DEF6: variants seen among roughly 807,000 people sequenced by gnomAD.
The protein encoded by DEF6 is DEF6 guanine nucleotide exchange factor, also known as differentially expressed in FDCP 6 homolog.
Under a neutral mutation model 80.5 loss-of-function variants are expected in DEF6, and 32 were observed. That is an observed-to-expected ratio of 0.40 (90% confidence interval 0.30 to 0.53). DEF6 has a LOEUF of 0.53. Ranked by LOEUF, DEF6 falls within the 20% of genes least tolerant of loss-of-function variation. DEF6 has a pLI of 0.57. For synonymous variants in DEF6, 300 were observed against 337.9 expected, an observed-to-expected ratio of 0.89 and a Z score of 1.23; for missense variants, 575 against 818.7, an observed-to-expected ratio of 0.70 and a Z score of 3.63.
chr6:35,316,413 G>T (rs1258291617), intron 5 of DEF6, among the ~76,000 whole-genome samples: 1 of 152,072 alleles, frequency 6.6e-6, no homozygotes, highest in Non-Finnish European at 1.5e-5. Context: ...TTGCCTAATT[G>T]CTCTGGCCAG....
chr6:35,310,587 G>T lies in DEF6; in HGVS notation c.366G>T (p.Trp122Cys). The T allele has an allele frequency of 6.2e-7, 1 of 1,614,156 alleles. No homozygotes were observed. The highest frequency in any genetic ancestry group is 1.7e-5 in the Admixed American group (1 of 60,018). ...MLSNQDAFRLWCLFNFLSEDK... is the reference protein window; with the variant it reads ...MLSNQDAFRLCCLFNFLSEDK... ...CCAATCAGGATGCCTTCCGCCTCTG[G>T]TGCCTCTTCAACTTCCTGTCTGAGG... The change falls in exon 3 of 11, where the codon TGG becomes TGT. Residue 122 changes from tryptophan to cysteine, a missense_variant. Physicochemically the swap from Trp to Cys is radical, Grantham distance 215. Coordinates refer to ENST00000316637, the MANE Select transcript of DEF6 (RefSeq NM_022047.4).
intron 1 of DEF6, among the ~76,000 whole-genome samples, chr6:35,298,846 G>T (rs1791276340): frequency 1.3e-5 from 2 of 152,162 alleles, no homozygotes; most frequent in Non-Finnish European, 2.9e-5. Flanking sequence ...CACTCTGCAA[G>T]TACTTGAGTG....
At chr6:35,301,908 G>A (rs1451736738) in intron 1 of DEF6, among the ~76,000 whole-genome samples, 1 of 151,986 alleles carries the variant, frequency 6.6e-6, no homozygotes, top group African/African-American at 2.4e-5. Context: ...TGTATTTTTA[G>A]TAGAGCCGGG....
At chr6:35,317,749 A>G in intron 5 of DEF6, 142 bp from the exon 6 acceptor site, 2 of 631,874 alleles carry the variant, frequency 3.2e-6, no homozygotes, top group Non-Finnish European at 5.4e-6. Context: ...CTTATGATGC[A>G]AGCCATGCAG....
chr6:35,318,614 T>G lies in DEF6; in HGVS notation c.1215+143T>G. On this transcript the variant is annotated intron_variant, in intron 7 of 10. Transcript: ENST00000316637. This position sits in a 1 kb window ranked among gnomAD's most constrained non-coding sequence, Gnocchi z 5.1. ...CTGGGGTGGAGCTTGAAATGAGGGATTGTTGGGACAGAGTCCGCGGGTTTG... is the reference window on the plus strand; with the variant it reads ...CTGGGGTGGAGCTTGAAATGAGGGAGTGTTGGGACAGAGTCCGCGGGTTTG... The G allele has an allele frequency of 3.9e-6, 3 of 773,204 alleles. No homozygotes were observed. The highest frequency in any genetic ancestry group is 5.4e-6 in the Non-Finnish European group (3 of 554,098). 47.9% of individuals were successfully genotyped at this position (773,204 alleles called of 1,614,324 possible). A position where few individuals can be genotyped will look rare whatever the true frequency, so the allele number is the denominator to read the frequency against.
intron 10 of DEF6, 38 bp downstream of exon 10, chr6:35,321,012 GGGAGGGAGAAA>G (rs748214636): frequency 2.1e-5 from 34 of 1,607,666 alleles, no homozygotes; most frequent in African/African-American, 1.1e-4. Flanking sequence ...CCCTGGAGCT[GGGAGGGAGAAA>G]GGAGGGAGAA....
chr6:35,320,180 A>T (rs770495158), intron 9 of DEF6, among the ~76,000 whole-genome samples, 163 bp downstream of exon 9: 2 of 152,214 alleles, frequency 1.3e-5, no homozygotes, highest in African/African-American at 2.4e-5. Context: ...CTCACCTGGG[A>T]AACTGGTAAT....
At chr6:35,299,890 G>A (rs754544729) in intron 1 of DEF6, among the ~76,000 whole-genome samples, 189 of 152,266 alleles carry the variant, frequency 1.2e-3, no homozygotes, top group Non-Finnish European at 1.2e-3. Flanking sequence ...GGGGATTCCA[G>A]CAAAGCAAAG....
chr6:35,302,496 G>A (rs2150384846), intron 1 of DEF6, among the ~76,000 whole-genome samples: 1 of 152,284 alleles, frequency 6.6e-6, no homozygotes, highest in African/African-American at 2.4e-5. Context: ...ACATGGACCT[G>A]ACACCCACAC....
At chr6:35,308,176 GA>G (rs370193393) in intron 1 of DEF6, among the ~76,000 whole-genome samples, 1 of 152,130 alleles carries the variant, frequency 6.6e-6, no homozygotes, top group African/African-American at 2.4e-5. Context: ...GTCTTCACCT[GA>G]AAAACAGGCT....
rs778823557 is a variant in DEF6 at position 35,318,042 on chromosome 6, C to T, written c.916+43C>T. On this transcript the variant is annotated intron_variant, in intron 6 of 10. Coordinates refer to ENST00000316637, the MANE Select transcript of DEF6 (RefSeq NM_022047.4). This position sits in a 1 kb window ranked among gnomAD's most constrained non-coding sequence, Gnocchi z 5.1. Reference sequence around the variant, plus strand: ...GGCTTGGGTCTGGGTGGTCCTTAGGCGCCTCATCTGTGAAAAGGGGGTGAT... The same window carrying T: ...GGCTTGGGTCTGGGTGGTCCTTAGGTGCCTCATCTGTGAAAAGGGGGTGAT... 3 of 1,579,074 alleles carry T rather than the reference C, an allele frequency of 1.9e-6. No individual in the cohort carries two copies. Among genetic ancestry groups the T allele is most frequent in the East Asian group, 2.3e-5 (1 of 43,900 alleles).
chr6:35,311,797 C>G (rs80314519), intron 3 of DEF6, among the ~76,000 whole-genome samples: 3,454 of 152,308 alleles, frequency 0.023, 75 homozygotes, highest in African/African-American at 0.057. Context: ...CCTTCCTCTC[C>G]CACAAGGGAA....
intron 1 of DEF6, 87 bp downstream of exon 1, chr6:35,298,039 A>C: frequency 4.3e-6 from 5 of 1,174,160 alleles, no homozygotes; most frequent in Non-Finnish European, 6.1e-6. Flanking sequence ...ACACTGTGCC[A>C]CTCCAGGGGC....
At chr6:35,311,972 A>G (rs1220946535) in intron 3 of DEF6, among the ~76,000 whole-genome samples, 2 of 152,060 alleles carry the variant, frequency 1.3e-5, no homozygotes, top group Non-Finnish European at 2.9e-5. Flanking sequence ...ATTGGATGAG[A>G]GGGCCTTTGC....
Position 35,319,843 on chromosome 6 carries a change from G to T in DEF6, c.1407G>T (p.Lys469Asn). The change falls in exon 9 of 11, where the codon AAG (lysine) becomes AAT (asparagine). Residue 469 changes from lysine to asparagine, a missense_variant. By Grantham distance (94) the Lys-to-Asn change is moderately conservative (BLOSUM62 0). Transcript: ENST00000316637. This position sits in a 1 kb window ranked among gnomAD's most constrained non-coding sequence, Gnocchi z 4.5. ...GACTGCTGGAAGAGGAGGAAGAGAA[G>T]CTGAAGCAGTTGATGCAGCTGAAGG... ...QTRLLEEEEE[K>N]LKQLMQLKEE... 6.3e-7 allele frequency: 1 copy of T among 1,592,208 alleles called. No homozygotes were observed. The highest frequency in any genetic ancestry group is 1.8e-5 in the Admixed American group (1 of 55,894).
At chr6:35,307,302 G>A (rs1387810275) in intron 1 of DEF6, among the ~76,000 whole-genome samples, 1 of 152,256 alleles carries the variant, frequency 6.6e-6, no homozygotes, top group Non-Finnish European at 1.5e-5. Context: ...AGGAGGCTGA[G>A]GCAGGAGAAT....
At chr6:35,309,957 G>A (rs1228163487) in intron 2 of DEF6, 147 bp downstream of exon 2, 11 of 923,912 alleles carry the variant, frequency 1.2e-5, no homozygotes, top group Admixed American at 5.1e-5. Context: ...GTCCCATCAC[G>A]TCCCTCACAT....
rs1159472594 is a variant in DEF6 at position 35,319,476 on chromosome 6, G to A, written c.1216-48G>A. ...CCACCCCCTCCTCCTCCGCCCCCACGTGCCCCTTTTGACCTGGCTCTTGGT... is the reference window on the plus strand; with the variant it reads ...CCACCCCCTCCTCCTCCGCCCCCACATGCCCCTTTTGACCTGGCTCTTGGT... On this transcript the variant is annotated intron_variant, in intron 7 of 10. Coordinates refer to ENST00000316637, the MANE Select transcript of DEF6 (RefSeq NM_022047.4). This position sits in a 1 kb window ranked among gnomAD's most constrained non-coding sequence, Gnocchi z 4.5. 6.5e-6 allele frequency: 6 copies of A among 927,822 alleles called. No homozygotes were observed. The highest frequency in any genetic ancestry group is 8.7e-6 in the Non-Finnish European group (6 of 686,764). 57.5% of individuals were successfully genotyped at this position (927,822 alleles called of 1,614,324 possible).
intron 1 of DEF6, among the ~76,000 whole-genome samples, chr6:35,308,315 G>GAGGCCAGCAGTTCA (rs1171101038): frequency 6.6e-6 from 1 of 151,686 alleles, no homozygotes; most frequent in Non-Finnish European, 1.5e-5. Context: ...AGGATCACTT[G>GAGGCCAGCAGTTCA]AGGCCAGCAG....
Sources: gnomAD v4.1 joint callset for allele counts (sites outside exome capture counted in the v4.1 genomes callset) on GRCh38, gnomAD v4.1.1 for gene constraint, Gnocchi (gnomAD v3.1) non-coding constraint, MANE v1.5 for transcripts, NCBI Gene and HGNC (gene_info 2026-07-23, HGNC 2026-07-21) for gene names.